The following SPATA9 variants were observed in gnomAD, a reference collection of about 807,000 sequenced individuals.
SPATA9 encodes spermatogenesis associated 9.
In SPATA9, 27 loss-of-function variants were observed where a neutral mutation model predicts 25.5. The observed-to-expected ratio is 1.06, with a 90% CI of 0.78 to 1.46. SPATA9 has a LOEUF of 1.46. Among genes scored for constraint, SPATA9 ranks in the 40% most tolerant of loss-of-function variants. SPATA9 has a pLI of 0.00. For synonymous variants in SPATA9, 102 were observed against 105.7 expected, an observed-to-expected ratio of 0.97 and a Z score of 0.21; for missense variants, 282 against 297.5, an observed-to-expected ratio of 0.95 and a Z score of 0.38.
At chr5:95,700,280 C>G (rs1025770713), upstream of SPATA9, among the ~76,000 whole-genome samples, 2 of 151,832 alleles carry the variant, frequency 1.3e-5, no homozygotes, top group African/African-American at 2.4e-5. Flanking sequence ...TGCAGTTTCC[C>G]CCAATAACTA....
chr5:95,652,321 T>G, downstream of SPATA9: 2 of 1,551,006 alleles, frequency 1.3e-6, no homozygotes, highest in South Asian at 1.2e-5. Flanking sequence ...TTATCTACAC[T>G]TCCTCTCCAA....
chr5:95,680,311 C>T (rs1753332142), intron 2 of SPATA9, among the ~76,000 whole-genome samples: 2 of 152,142 alleles, frequency 1.3e-5, no homozygotes, highest in Admixed American at 6.5e-5. Flanking sequence ...GAGTTTAAGT[C>T]ACAGCAACCA....
chr5:95,665,083 C>A (rs375924812), intron 3 of SPATA9, among the ~76,000 whole-genome samples: 7 of 152,088 alleles, frequency 4.6e-5, no homozygotes, highest in African/African-American at 1.7e-4. Flanking sequence ...TTAATTGACA[C>A]ATTGTAATGG....
intron 1 of SPATA9, among the ~76,000 whole-genome samples, chr5:95,694,511 A>G (rs1046960055): frequency 6.6e-6 from 1 of 152,236 alleles, no homozygotes; most frequent in Non-Finnish European, 1.5e-5. Context: ...AAAATGCTAA[A>G]GGATGCATCC....
At chr5:95,725,808 C>CT in the SPATA9 span, among the ~76,000 whole-genome samples, 10,295 of 139,760 alleles carry the variant, frequency 0.074, 459 homozygotes, top group East Asian at 0.22. Flanking sequence ...TGGAATTCTT[C>CT]TTTTTTTTTT....
At chr5:95,694,399 A>C (rs1474033124) in intron 1 of SPATA9, among the ~76,000 whole-genome samples, 2 of 152,218 alleles carry the variant, frequency 1.3e-5, no homozygotes, top group Non-Finnish European at 2.9e-5. Context: ...GGTCAAACCA[A>C]CAATGTTGAA....
At chr5:95,731,918 C>T in the SPATA9 span, 5 of 1,614,106 alleles carry the variant, frequency 3.1e-6, no homozygotes, top group Admixed American at 3.3e-5. Flanking sequence ...GACAACCGGC[C>T]GTCGGGGCTT....
chr5:95,732,002 C>G, the SPATA9 span: 1 of 1,614,174 alleles, frequency 6.2e-7, no homozygotes, highest in Non-Finnish European at 8.5e-7. Flanking sequence ...GCGGCCAGCA[C>G]GGTCGCGCGT....
chr5:95,680,655 T>G (rs576361995), intron 2 of SPATA9, among the ~76,000 whole-genome samples: 4 of 152,216 alleles, frequency 2.6e-5, no homozygotes, highest in South Asian at 4.1e-4. Context: ...TTGGTTTAAA[T>G]GTACACTACA....
chr5:95,679,558 C>T (rs1753240047), intron 2 of SPATA9, among the ~76,000 whole-genome samples: 1 of 152,164 alleles, frequency 6.6e-6, no homozygotes, highest in Non-Finnish European at 1.5e-5. Flanking sequence ...CCTGCAGATT[C>T]CTACACTTTA....
intron 2 of SPATA9, among the ~76,000 whole-genome samples, chr5:95,681,605 G>A (rs1189370972): frequency 6.6e-6 from 1 of 152,078 alleles, no homozygotes; most frequent in African/African-American, 2.4e-5. Flanking sequence ...GGATCACGTC[G>A]TGTTTATCTC....
At chr5:95,657,671 A>G (rs990057640), downstream of SPATA9, 3 of 152,128 alleles carry the variant, frequency 2.0e-5, no homozygotes, top group Admixed American at 6.6e-5. Flanking sequence ...ACTACATATT[A>G]TTACACTTCC....
At chr5:95,659,239 T>C (rs1018709047) in intron 4 of SPATA9, 35 of 209,918 alleles carry the variant, frequency 1.7e-4, no homozygotes, top group African/African-American at 7.3e-4. Flanking sequence ...AGATGGAATT[T>C]GTCCTCAAAC....
At chr5:95,712,435 GCAA>G in the SPATA9 span, among the ~76,000 whole-genome samples, 1 of 152,168 alleles carries the variant, frequency 6.6e-6, no homozygotes. Context: ...AAAAAGTGAT[GCAA>G]CTTTCTCCTT....
intron 1 of SPATA9, among the ~76,000 whole-genome samples, chr5:95,693,964 C>A (rs748144518): frequency 1.3e-5 from 2 of 151,972 alleles, no homozygotes; most frequent in Non-Finnish European, 2.9e-5. Context: ...ATTCTGAGAC[C>A]AGCCTGGGTA....
At chr5:95,676,148 T>C (rs1484088615) in intron 2 of SPATA9, among the ~76,000 whole-genome samples, 2 of 152,166 alleles carry the variant, frequency 1.3e-5, no homozygotes, top group Non-Finnish European at 2.9e-5. Context: ...TGTATATTTT[T>C]TTCCCTGGGA....
chr5:95,675,372 C>T (rs1338096224), intron 3 of SPATA9, 40 bp downstream of exon 3: 1 of 1,531,434 alleles, frequency 6.5e-7, no homozygotes, highest in Non-Finnish European at 8.8e-7. Context: ...TTAAAAGTTT[C>T]TTAAAAAAGG....
At chr5:95,665,090 A>G (rs751324999) in intron 3 of SPATA9, among the ~76,000 whole-genome samples, 2 of 152,204 alleles carry the variant, frequency 1.3e-5, no homozygotes, top group Non-Finnish European at 2.9e-5. Context: ...ACACATTGTA[A>G]TGGTACATAT....
rs752656355 is a variant in SPATA9 at position 95,658,835 on chromosome 5, C to T, written c.553G>A (p.Glu185Lys). 1.3e-5 allele frequency: 21 copies of T among 1,613,938 alleles called. No individual in the cohort carries two copies. The highest frequency in any genetic ancestry group is 1.5e-5 in the Non-Finnish European group (18 of 1,179,904). The change falls in exon 5 of 5, where the codon GAG becomes AAG. Residue 185 changes from glutamate to lysine, a missense_variant. Transcript: ENST00000274432. Reference sequence around the variant, plus strand: ...AAGGCTTTTCTACAATTTTCACTCTCCTCTCTGTTTTGCCTTATGGATTCT... The same window carrying T: ...AAGGCTTTTCTACAATTTTCACTCTTCTCTCTGTTTTGCCTTATGGATTCT... Reference protein sequence around the residue: ...EEESIRQNREESENCRKAFSE... With the variant: ...EEESIRQNREKSENCRKAFSE...
Sources: allele counts gnomAD v4.1 joint callset (sites outside exome capture counted in the v4.1 genomes callset), GRCh38; gene constraint gnomAD v4.1.1; transcripts MANE v1.5; gene names NCBI Gene and HGNC (gene_info 2026-07-23, HGNC 2026-07-21).